The following CPXM2 variants were observed in gnomAD, a reference collection of about 807,000 sequenced individuals.
The protein encoded by CPXM2 is carboxypeptidase X, M14 family member 2.
A neutral mutation model predicts 86.1 loss-of-function variants in CPXM2; 66 were observed. The ratio of observed to expected loss-of-function variants is 0.77; its 90% CI spans 0.63 to 0.94. The LOEUF (loss-of-function observed/expected upper bound fraction) is 0.94. Ranked by LOEUF, CPXM2 falls within the 40% of genes least tolerant of loss-of-function variation. The pLI is 0.00. For missense variants in CPXM2, 948 were observed against 1,026.3 expected, an observed-to-expected ratio of 0.92 and a Z score of 1.04; for synonymous variants, 388 against 400.2, an observed-to-expected ratio of 0.97 and a Z score of 0.36.
upstream of CPXM2, among the ~76,000 whole-genome samples, chr10:123,892,955 C>T (rs920347190): frequency 1.3e-5 from 2 of 152,212 alleles, no homozygotes; most frequent in African/African-American, 2.4e-5. Flanking sequence ...AAATCGCTTC[C>T]CTTCCTGCCA....
Position 123,746,687 on chromosome 10 carries a change from G to A in CPXM2, c.*77C>T. Reference sequence around the variant, plus strand: ...TGAATTACAGAGGAAACAACAGTGAGTGAGTCCACTATGGAGCTACTACCA... The same window carrying A: ...TGAATTACAGAGGAAACAACAGTGAATGAGTCCACTATGGAGCTACTACCA... On this transcript the variant is annotated 3_prime_UTR_variant, in exon 14 of 14. Coordinates refer to ENST00000241305, the MANE Select transcript of CPXM2 (RefSeq NM_198148.3). The A allele has an allele frequency of 7.4e-7, 1 of 1,355,816 alleles. No individual in the cohort carries two copies. The allele number at this position is 1,355,816 out of a possible 1,614,324, so 84.0% of individuals were successfully genotyped here. A position where few individuals can be genotyped will look rare whatever the true frequency, so the allele number is the denominator to read the frequency against.
At chr10:123,788,878 GAAAAAA>G (rs11461379) in intron 6 of CPXM2, among the ~76,000 whole-genome samples, 9,658 of 138,856 alleles carry the variant, frequency 0.07, 374 homozygotes, top group South Asian at 0.14. Flanking sequence ...CACCTTGATT[GAAAAAA>G]AAAAAAAAAA....
At chr10:123,888,307 C>T (rs1945212313) in intron 1 of CPXM2, among the ~76,000 whole-genome samples, 1 of 152,180 alleles carries the variant, frequency 6.6e-6, no homozygotes, top group Non-Finnish European at 1.5e-5. Flanking sequence ...AGATAAAGTA[C>T]ATATAGACTT....
chr10:123,933,398 AATG>A (rs1314042290), intron 2 of CPXM2, among the ~76,000 whole-genome samples: 1 of 152,206 alleles, frequency 6.6e-6, no homozygotes, highest in Admixed American at 6.5e-5. Flanking sequence ...AAACCAAAAA[AATG>A]ATGTCACCAT....
At chr10:123,931,892 T>C (rs537841692) in intron 2 of CPXM2, among the ~76,000 whole-genome samples, 14 of 152,324 alleles carry the variant, frequency 9.2e-5, no homozygotes, top group Admixed American at 2.6e-4. Context: ...AGGCAGTGAC[T>C]GATGATGAAA....
At position 123,746,570 on chromosome 10, in the gene CPXM2, T is replaced by C. The variant is rs12414446; in HGVS notation, c.*194A>G. On this transcript the variant is annotated 3_prime_UTR_variant, in exon 14 of 14. Transcript: ENST00000241305. ...TGCTGCTCTGTCCAAGTTATTTGGA[T>C]AAATGGGAACAAAGAAAAGAAAACA... 9.7e-6 allele frequency: 6 copies of C among 620,750 alleles called. No individual in the cohort carries two copies. Among genetic ancestry groups the C allele is most frequent in the Admixed American group, 3.0e-5 (1 of 33,854 alleles). 38.5% of individuals were successfully genotyped at this position (620,750 alleles called of 1,614,324 possible).
intron 2 of CPXM2, among the ~76,000 whole-genome samples, chr10:123,936,317 T>C (rs889895276): frequency 1.3e-5 from 2 of 152,202 alleles, no homozygotes; most frequent in African/African-American, 2.4e-5. Context: ...TTATGCCTTA[T>C]TGTCTCCCCA....
At chr10:123,805,086 C>CA (rs1459952835) in intron 4 of CPXM2, among the ~76,000 whole-genome samples, 4 of 152,034 alleles carry the variant, frequency 2.6e-5, no homozygotes, top group African/African-American at 9.7e-5. Context: ...CATATTGTCT[C>CA]AGAGTTCTAA....
intron 2 of CPXM2, among the ~76,000 whole-genome samples, chr10:123,875,961 T>G (rs1368751364): frequency 6.6e-6 from 1 of 151,852 alleles, no homozygotes; most frequent in East Asian, 1.9e-4. Context: ...GGATTACAAG[T>G]GCATGCTGCC....
At chr10:123,937,470 AACACACAC>A (rs201368456) in intron 2 of CPXM2, among the ~76,000 whole-genome samples, 5,413 of 132,612 alleles carry the variant, frequency 0.041, 151 homozygotes, top group African/African-American at 0.08. Flanking sequence ...ACAACAAAAC[AACACACAC>A]ACACACACAC....
intron 7 of CPXM2, 24 bp from the exon 8 acceptor site, chr10:123,771,063 A>C: frequency 1.2e-6 from 2 of 1,609,038 alleles, no homozygotes; most frequent in Middle Eastern, 1.7e-4. Flanking sequence ...TGAATCAAAA[A>C]CTCTAAGCAT....
At chr10:123,875,635 A>C (rs1162544280) in intron 2 of CPXM2, among the ~76,000 whole-genome samples, 1 of 152,084 alleles carries the variant, frequency 6.6e-6, no homozygotes, top group Non-Finnish European at 1.5e-5. Context: ...AAACACACAC[A>C]AATATACATT....
chr10:123,896,862 T>C (rs1187906842), upstream of CPXM2, among the ~76,000 whole-genome samples: 1 of 152,178 alleles, frequency 6.6e-6, no homozygotes, highest in Non-Finnish European at 1.5e-5. Flanking sequence ...CATTTGACCT[T>C]TGTAAGCTGG....
At chr10:123,881,568 C>G (rs1945093318) in intron 1 of CPXM2, among the ~76,000 whole-genome samples, 1 of 152,206 alleles carries the variant, frequency 6.6e-6, no homozygotes, top group Admixed American at 6.5e-5. Flanking sequence ...CAACTGCACA[C>G]AGGGTTGTCC....
At chr10:123,935,388 G>C (rs1034192880) in intron 2 of CPXM2, among the ~76,000 whole-genome samples, 1 of 152,166 alleles carries the variant, frequency 6.6e-6, no homozygotes, top group Non-Finnish European at 1.5e-5. Flanking sequence ...AACCCACCCT[G>C]GGTGGGGCCA....
Position 123,878,296 on chromosome 10 carries a change from CT to C in CPXM2, c.403+1914del, listed in dbSNP as rs72163200. ...TATCCTCGACCCCCTTTTTTTCTCT[CT>C]TTTTTTTTTTTTTTTTTTTTTTTTT... On this transcript the variant is annotated intron_variant, in intron 2 of 13. Transcript: ENST00000241305. Among the ~76,000 whole-genome samples the C allele has an allele frequency of 3.1e-3, 383 of 122,792 alleles. 7 individuals are homozygous for C. The highest frequency in any genetic ancestry group is 6.3e-3 in the African/African-American group (204 of 32,570). 80.6% of individuals were successfully genotyped at this position (122,792 alleles called of 152,430 possible).
At chr10:123,807,311 ATAAT>A (rs1847601485) in intron 4 of CPXM2, among the ~76,000 whole-genome samples, 1 of 152,214 alleles carries the variant, frequency 6.6e-6, no homozygotes, top group South Asian at 2.1e-4. Context: ...AAGGAAATTA[ATAAT>A]TAATTAAATC....
intron 3 of CPXM2, among the ~76,000 whole-genome samples, chr10:123,852,984 C>T (rs1480610589): frequency 1.3e-5 from 2 of 152,158 alleles, no homozygotes; most frequent in Non-Finnish European, 1.5e-5. Flanking sequence ...TGTGTCCCTG[C>T]CCAAATCTCA....
upstream of CPXM2, among the ~76,000 whole-genome samples, chr10:123,942,981 T>G (rs930198654): frequency 6.6e-6 from 1 of 152,236 alleles, no homozygotes; most frequent in African/African-American, 2.4e-5. Flanking sequence ...GCCTGCACTG[T>G]TCAGTACAGT....
Sources: gnomAD v4.1 joint callset for allele counts (sites outside exome capture counted in the v4.1 genomes callset) on GRCh38, gnomAD v4.1.1 for gene constraint, MANE v1.5 for transcripts, NCBI Gene and HGNC (gene_info 2026-07-23, HGNC 2026-07-21) for gene names.